Variants in GRIK4 observed in about 807,000 individuals in gnomAD.
GRIK4 encodes the protein glutamate receptor ionotropic, kainate 4.
GRIK4 carries 40 observed loss-of-function variants against 104.9 expected under a neutral mutation model. That is an observed-to-expected ratio of 0.38 (90% CI 0.30 to 0.50). The LOEUF is 0.50. Ranked by LOEUF, GRIK4 falls within the 20% of genes least tolerant of loss-of-function variation. The probability of loss-of-function intolerance (pLI) is 0.93; values close to 1 mark genes in which losing one functional copy is unlikely to be tolerated. For missense variants in GRIK4, 1,047 were observed against 1,308.1 expected, an observed-to-expected ratio of 0.80 and a Z score of 3.08; for synonymous variants, 485 against 524.9, an observed-to-expected ratio of 0.92 and a Z score of 1.04.
rs1166475526 is a variant in GRIK4 at position 120,961,091 on chromosome 11, TG to T, written c.2040+18del. On this transcript the variant is annotated intron_variant, in intron 17 of 20. Transcript: ENST00000527524. ...TTCTTCCAAGTAAACCCCATTTGGTTGCTCACCAGCATCGGGAATTGGGCAG... is the reference window on the plus strand; with the variant it reads ...TTCTTCCAAGTAAACCCCATTTGGTTCTCACCAGCATCGGGAATTGGGCAG... 1 of 1,610,560 alleles carries T rather than the reference TG, an allele frequency of 6.2e-7. No homozygotes were observed. The highest frequency in any genetic ancestry group is 8.5e-7 in the Non-Finnish European group (1 of 1,177,524).
intron 13 of GRIK4, among the ~76,000 whole-genome samples, chr11:120,918,317 C>T (rs17124551): frequency 0.045 from 6,821 of 152,294 alleles, 537 homozygotes; most frequent in African/African-American, 0.16. Flanking sequence ...CCCGGGGTGA[C>T]AACCCTATTG....
At chr11:120,652,904 A>G (rs1949640392) in intron 1 of GRIK4, among the ~76,000 whole-genome samples, 1 of 152,226 alleles carries the variant, frequency 6.6e-6, no homozygotes, top group Non-Finnish European at 1.5e-5. Flanking sequence ...GTGCACAGCC[A>G]GAATACCATG....
chr11:120,568,394 CT>C (rs60713831), intron 1 of GRIK4, among the ~76,000 whole-genome samples: 26,835 of 146,592 alleles, frequency 0.18, 6,001 homozygotes, highest in African/African-American at 0.53. Flanking sequence ...CTTTTCTTTT[CT>C]TTTTTTTTTT....
intron 1 of GRIK4, among the ~76,000 whole-genome samples, chr11:120,537,362 G>A (rs3901366): frequency 0.4 from 60,937 of 151,930 alleles, 13,230 homozygotes; most frequent in East Asian, 0.64. Flanking sequence ...GGAGATATTG[G>A]AACTCTGCAG....
Position 120,702,882 on chromosome 11 carries a change from C to T in GRIK4, c.82+42482C>T, listed in dbSNP as rs143514835. ...AGCAGGAAGGAAGATGTATTTGTAT[C>T]GAAAAGAAAAAAGGAAGTTACCAGC... On this transcript the variant is annotated intron_variant, in intron 3 of 20. Coordinates refer to ENST00000527524, the MANE Select transcript of GRIK4 (RefSeq NM_014619.5). Among the ~76,000 whole-genome samples the T allele has an allele frequency of 6.8e-3, 1,034 of 152,096 alleles. 11 individuals carry two copies. Among genetic ancestry groups the T allele is most frequent in the African/African-American group, 0.023 (947 of 41,496 alleles).
intron 1 of GRIK4, among the ~76,000 whole-genome samples, chr11:120,653,149 A>G (rs1949645125): frequency 6.6e-6 from 1 of 152,360 alleles, no homozygotes; most frequent in Admixed American, 6.5e-5. Context: ...CATGCCAGGC[A>G]CTGTCCAAGG....
chr11:120,721,076 C>T (rs190935922), intron 3 of GRIK4, among the ~76,000 whole-genome samples: 1 of 152,216 alleles, frequency 6.6e-6, no homozygotes, highest in East Asian at 1.9e-4. Flanking sequence ...GAGGGAAAGA[C>T]ATGCTTTTCT....
chr11:120,699,953 G>C (rs1241239430), intron 3 of GRIK4, among the ~76,000 whole-genome samples: 1 of 152,194 alleles, frequency 6.6e-6, no homozygotes, highest in African/African-American at 2.4e-5. Flanking sequence ...AGGGTAAAAT[G>C]GGAACCAGGT....
At chr11:120,743,330 T>A (rs1951374013) in intron 3 of GRIK4, among the ~76,000 whole-genome samples, 1 of 151,164 alleles carries the variant, frequency 6.6e-6, no homozygotes, top group Admixed American at 6.6e-5. Flanking sequence ...GAACAGAAAA[T>A]CAAATACTAT....
chr11:120,525,289 A>C (rs1220939865), intron 1 of GRIK4, among the ~76,000 whole-genome samples: 1 of 152,190 alleles, frequency 6.6e-6, no homozygotes, highest in African/African-American at 2.4e-5. Context: ...GCCTGAGATC[A>C]TGTGACTTGC....
At chr11:120,639,442 C>T (rs984665609) in intron 1 of GRIK4, among the ~76,000 whole-genome samples, 3 of 152,188 alleles carry the variant, frequency 2.0e-5, no homozygotes, top group African/African-American at 7.2e-5. Context: ...ACCTTGGGCT[C>T]ACTATCCCTT....
chr11:120,693,609 G>A (rs1314215004), intron 3 of GRIK4, among the ~76,000 whole-genome samples: 1 of 152,214 alleles, frequency 6.6e-6, no homozygotes. Flanking sequence ...AGATAAGAAA[G>A]ACAGTCTCTG....
At chr11:120,963,251 T>C (rs926804437) in intron 18 of GRIK4, among the ~76,000 whole-genome samples, 4 of 152,242 alleles carry the variant, frequency 2.6e-5, no homozygotes, top group African/African-American at 7.2e-5. Flanking sequence ...AGTAAGGCTC[T>C]GGTGTTCAGC....
chr11:120,830,406 T>C (rs1298763425), intron 6 of GRIK4, among the ~76,000 whole-genome samples: 1 of 152,154 alleles, frequency 6.6e-6, no homozygotes, highest in Non-Finnish European at 1.5e-5. Context: ...CTCTGTTTGC[T>C]GAGTAAGTCA....
chr11:120,985,805 T>C, intron 20 of GRIK4, 99 bp from the exon 21 acceptor site: 2 of 1,050,846 alleles, frequency 1.9e-6, no homozygotes, highest in Non-Finnish European at 2.8e-6. Context: ...GACACGATTC[T>C]GTGACCGCTG....
chr11:120,814,533 G>A (rs3020104), intron 4 of GRIK4, among the ~76,000 whole-genome samples: 12,660 of 152,214 alleles, frequency 0.083, 661 homozygotes, highest in African/African-American at 0.14. Context: ...GGCGGAGGTT[G>A]CAGTGAGCCG....
chr11:120,718,996 C>G (rs983029272), intron 3 of GRIK4, among the ~76,000 whole-genome samples: 1 of 152,164 alleles, frequency 6.6e-6, no homozygotes, highest in Non-Finnish European at 1.5e-5. Flanking sequence ...GGTATAGAAT[C>G]AGGCTTAAAG....
At chr11:120,832,683 C>T (rs900830921) in intron 7 of GRIK4, among the ~76,000 whole-genome samples, 5 of 152,160 alleles carry the variant, frequency 3.3e-5, no homozygotes, top group Admixed American at 1.3e-4. Flanking sequence ...CTCCTAAGCT[C>T]CTGGAGTTGG....
chr11:120,932,417 C>A (rs1440498334), intron 13 of GRIK4, among the ~76,000 whole-genome samples: 1 of 152,016 alleles, frequency 6.6e-6, no homozygotes, highest in African/African-American at 2.4e-5. Context: ...GCTCAGCAGC[C>A]CCATGTTACT....
Sources: allele counts gnomAD v4.1 joint callset (sites outside exome capture counted in the v4.1 genomes callset), GRCh38; gene constraint gnomAD v4.1.1; transcripts MANE v1.5; gene names NCBI Gene and HGNC (gene_info 2026-07-23, HGNC 2026-07-21).